SMYD3: variants seen among roughly 807,000 people sequenced by gnomAD.
The protein encoded by SMYD3 is histone-lysine N-methyltransferase SMYD3.
SMYD3 carries 36 observed loss-of-function variants against 57.7 expected under a neutral mutation model. The ratio of observed to expected loss-of-function variants is 0.62; its 90% CI spans 0.48 to 0.82. The LOEUF (loss-of-function observed/expected upper bound fraction) is 0.82, where lower values mean the gene tolerates loss of function less well. SMYD3 is among the 40% of genes least tolerant of loss of function. The pLI is 0.00. For synonymous variants in SMYD3, 211 were observed against 195.0 expected (o/e 1.08, Z -0.68); for missense variants, 515 against 538.8 (o/e 0.96, Z 0.44).
chr1:246,386,620 C>T (rs889997170), intron 1 of SMYD3, among the ~76,000 whole-genome samples: 1 of 148,702 alleles, frequency 6.7e-6, no homozygotes, highest in Non-Finnish European at 1.5e-5. Flanking sequence ...TGAGATTTCA[C>T]CTCTGTTATC....
intron 5 of SMYD3, among the ~76,000 whole-genome samples, chr1:245,959,129 A>G (rs2057933206): frequency 8.1e-6 from 1 of 123,930 alleles, no homozygotes; most frequent in African/African-American, 2.7e-5. Context: ...CTCAAAAAAC[A>G]AACAAACAAA....
At chr1:245,817,238 CCCT>C (rs2048883231) in intron 10 of SMYD3, among the ~76,000 whole-genome samples, 1 of 143,354 alleles carries the variant, frequency 7.0e-6, no homozygotes, top group African/African-American at 2.7e-5. Flanking sequence ...GGTCCCTGAC[CCCT>C]GACCCCCGAG....
chr1:246,125,175 T>C (rs1053815769), intron 5 of SMYD3, among the ~76,000 whole-genome samples: 1 of 152,210 alleles, frequency 6.6e-6, no homozygotes, highest in African/African-American at 2.4e-5. Context: ...GGTAAAGATG[T>C]TGATGGCAGC....
chr1:245,777,471 G>A (rs867197931), intron 10 of SMYD3, among the ~76,000 whole-genome samples: 1 of 152,250 alleles, frequency 6.6e-6, no homozygotes, highest in African/African-American at 2.4e-5. Context: ...CTTCTTGCCT[G>A]AGGCTATTCC....
At chr1:245,999,848 ATCTG>A (rs2059005188) in intron 5 of SMYD3, among the ~76,000 whole-genome samples, 1 of 152,204 alleles carries the variant, frequency 6.6e-6, no homozygotes, top group Non-Finnish European at 1.5e-5. Flanking sequence ...AGGTTATAAA[ATCTG>A]CTTTAAAATC....
At chr1:246,453,702 C>T (rs2067663940) in intron 1 of SMYD3, among the ~76,000 whole-genome samples, 1 of 152,286 alleles carries the variant, frequency 6.6e-6, no homozygotes, top group South Asian at 2.1e-4. Context: ...AAAGGCCCAC[C>T]GTTTCGCCAC....
chr1:245,962,623 A>T (rs2058039371), intron 5 of SMYD3, among the ~76,000 whole-genome samples: 2 of 152,216 alleles, frequency 1.3e-5, no homozygotes, highest in South Asian at 4.1e-4. Context: ...AGATGGAGAA[A>T]CAAACCTGCA....
chr1:246,463,853 A>G (rs2067844171), intron 1 of SMYD3, among the ~76,000 whole-genome samples: 1 of 150,348 alleles, frequency 6.7e-6, no homozygotes, highest in Non-Finnish European at 1.5e-5. Flanking sequence ...AAAAAAAAAA[A>G]AAGAGTGTGG....
chr1:245,942,142 T>A (rs994605306), intron 5 of SMYD3, among the ~76,000 whole-genome samples: 1 of 152,162 alleles, frequency 6.6e-6, no homozygotes, highest in African/African-American at 2.4e-5. Context: ...TAACCTTAAA[T>A]GTAAATGGGC....
intron 1 of SMYD3, among the ~76,000 whole-genome samples, chr1:246,415,258 A>G (rs2067042984): frequency 6.6e-6 from 1 of 152,336 alleles, no homozygotes; most frequent in East Asian, 1.9e-4. Flanking sequence ...TTCTTCTCTG[A>G]ACAGTTACAG....
rs528962839 is a variant in SMYD3, at chr1:245,809,771, C to A, written c.1077-45622G>T. On this transcript the variant is annotated intron_variant, in intron 10 of 11. Coordinates refer to ENST00000490107, the MANE Select transcript of SMYD3 (RefSeq NM_001167740.2). ...CACAGAGGAGCTTCCCAGGGCCACA[C>A]TGCTCAGGGACAATTCCCTAGTGAG... Among the ~76,000 whole-genome samples the A allele has an allele frequency of 2.8e-4, 42 of 152,348 alleles. 1 individual carries two copies. The highest frequency in any genetic ancestry group is 5.3e-4 in the Non-Finnish European group (36 of 68,030).
chr1:246,203,199 A>G lies in SMYD3; in HGVS notation c.531+124002T>C, dbSNP rs920688647. Among the ~76,000 whole-genome samples, 3 of 152,214 alleles carry G rather than the reference A, an allele frequency of 2.0e-5. No homozygotes were observed. Among genetic ancestry groups the G allele is most frequent in the African/African-American group, 7.2e-5 (3 of 41,454 alleles). ...CAGTTTCCTTCCCTGGTCCACAGCA[A>G]ATCCCTCTGACCCCAGGGCTTTGTT... is the stretch of plus-strand genomic sequence containing the variant. On this transcript the variant is annotated intron_variant, in intron 5 of 11. Transcript: ENST00000490107. This position sits in a 1 kb window ranked among gnomAD's most constrained non-coding sequence, Gnocchi z 4.6.
chr1:246,292,735 C>G (rs2064719650), intron 5 of SMYD3, among the ~76,000 whole-genome samples: 1 of 152,108 alleles, frequency 6.6e-6, no homozygotes, highest in Non-Finnish European at 1.5e-5. Context: ...TATTGCCAAC[C>G]TATTACTTGA....
At chr1:245,966,063 A>T (rs944207981) in intron 5 of SMYD3, among the ~76,000 whole-genome samples, 2 of 152,182 alleles carry the variant, frequency 1.3e-5, no homozygotes, top group Admixed American at 1.3e-4. Flanking sequence ...AAGTTTATTA[A>T]TTTTTTAAAG....
At chr1:245,882,133 C>T (rs939294640) in intron 8 of SMYD3, among the ~76,000 whole-genome samples, 1 of 152,182 alleles carries the variant, frequency 6.6e-6, no homozygotes, top group African/African-American at 2.4e-5. Flanking sequence ...GAGGCTCTTG[C>T]AGTAGTGTAA....
At chr1:245,761,010 G>T (rs1172668353) in intron 11 of SMYD3, among the ~76,000 whole-genome samples, 1 of 152,160 alleles carries the variant, frequency 6.6e-6, no homozygotes, top group Non-Finnish European at 1.5e-5. Context: ...CGCAAATGGT[G>T]GGACTGGAAC....
intron 5 of SMYD3, among the ~76,000 whole-genome samples, chr1:246,084,704 T>A (rs73137902): frequency 6.6e-6 from 1 of 152,212 alleles, no homozygotes; most frequent in Admixed American, 6.5e-5. Flanking sequence ...TTTTGATATC[T>A]TAAAGTTTTG....
At chr1:245,896,735 G>A in intron 8 of SMYD3, among the ~76,000 whole-genome samples, 1 of 152,144 alleles carries the variant, frequency 6.6e-6, no homozygotes, top group South Asian at 2.1e-4. Context: ...CTCTTGTCTA[G>A]GTACACAGCC....
chr1:246,014,942 G>A (rs373833029), intron 5 of SMYD3, among the ~76,000 whole-genome samples: 10 of 152,152 alleles, frequency 6.6e-5, no homozygotes, highest in South Asian at 2.1e-4. Flanking sequence ...CTTTCCCTGC[G>A]TCTTCAGTAA....
Sources: gnomAD v4.1 joint callset for allele counts (sites outside exome capture counted in the v4.1 genomes callset) on GRCh38, gnomAD v4.1.1 for gene constraint, Gnocchi (gnomAD v3.1) non-coding constraint, MANE v1.5 for transcripts, NCBI Gene and HGNC (gene_info 2026-07-23, HGNC 2026-07-21) for gene names.